Variants in VPS37A observed in about 807,000 individuals in gnomAD.
The protein encoded by VPS37A is vacuolar protein sorting-associated protein 37A.
VPS37A carries 30 observed loss-of-function variants against 49.8 expected under a neutral mutation model. The observed-to-expected ratio is 0.60, with a 90% CI of 0.45 to 0.82. VPS37A has a LOEUF of 0.82. Among genes scored for constraint, VPS37A ranks in the 40% least tolerant of loss-of-function variants. VPS37A has a pLI of 0.00. For synonymous variants in VPS37A, 195 were observed against 160.6 expected, an observed-to-expected ratio of 1.21 and a Z score of -1.62; for missense variants, 593 against 464.4, an observed-to-expected ratio of 1.28 and a Z score of -2.55.
the VPS37A span, among the ~76,000 whole-genome samples, chr8:17,308,960 C>T: frequency 2.0e-5 from 3 of 152,172 alleles, no homozygotes; most frequent in Admixed American, 2.0e-4. Context: ...CTCTGGACTT[C>T]TAAAATGGAA....
the VPS37A span, among the ~76,000 whole-genome samples, chr8:17,317,240 C>A: frequency 1.3e-5 from 2 of 152,202 alleles, no homozygotes; most frequent in Admixed American, 6.5e-5. Context: ...AGGATGCTGG[C>A]TGGCAGTGCC....
chr8:17,264,683 G>T (rs1046954289), intron 1 of VPS37A, among the ~76,000 whole-genome samples: 1 of 152,156 alleles, frequency 6.6e-6, no homozygotes, highest in Non-Finnish European at 1.5e-5. Flanking sequence ...GTTAGAAGAA[G>T]CATCCAAAAG....
At chr8:17,301,907 C>T (rs974757151), downstream of VPS37A, 8 of 439,322 alleles carry the variant, frequency 1.8e-5, no homozygotes, top group Admixed American at 2.1e-4. Flanking sequence ...AACAAGTTGA[C>T]CTAAAATAAG....
In VPS37A at chr8:17,247,001, G is replaced by A; in HGVS notation, c.-244G>A. 1 of 543,324 alleles carries A rather than the reference G, an allele frequency of 1.8e-6. No individual in the cohort carries two copies. The highest frequency in any genetic ancestry group is 3.3e-6 in the Non-Finnish European group (1 of 306,614). 33.7% of individuals were successfully genotyped at this position (543,324 alleles called of 1,614,324 possible). On this transcript the variant is annotated 5_prime_UTR_variant, in exon 1 of 12. Coordinates refer to ENST00000324849, the MANE Select transcript of VPS37A (RefSeq NM_152415.3). ...CTGGCTGGCCGGTTTGGGCGTCTGG[G>A]CCGTGAAGGTGGGACCTCCTGTTCC...
At chr8:17,302,415 C>G, downstream of VPS37A, 1 of 914,694 alleles carries the variant, frequency 1.1e-6, no homozygotes, top group Non-Finnish European at 1.6e-6. Context: ...AAAAAAGCCA[C>G]TACTTAAGGT....
At chr8:17,271,318 A>T (rs1299943509) in intron 4 of VPS37A, among the ~76,000 whole-genome samples, 1 of 152,114 alleles carries the variant, frequency 6.6e-6, no homozygotes, top group Non-Finnish European at 1.5e-5. Context: ...TAACATGCTT[A>T]TGATTGGCTG....
chr8:17,273,116 A>G (rs1814167019), intron 4 of VPS37A, among the ~76,000 whole-genome samples: 1 of 134,266 alleles, frequency 7.4e-6, no homozygotes, highest in African/African-American at 2.9e-5. Context: ...GCACTTCCTC[A>G]TTATTCCTTA....
In VPS37A at chr8:17,247,905, T is replaced by C. The variant is rs1342893241; in HGVS notation, c.125+536T>C. The C allele has an allele frequency of 6.3e-6, 4 of 633,012 alleles. No individual in the cohort carries two copies. The African/African-American group carries it at 7.3e-5, about 11-fold the overall frequency. The allele number at this position is 633,012 out of a possible 1,614,324, so 39.2% of individuals were successfully genotyped here. On this transcript the variant is annotated intron_variant, in intron 1 of 11. Transcript: ENST00000324849. ...CTTGAGTCTCTAAGATTTACCCTGT[T>C]GGAGCAGTCTCTCCCCATCTCACAG... is the stretch of plus-strand genomic sequence containing the variant.
At chr8:17,268,597 A>T (rs1813689160) in intron 3 of VPS37A, among the ~76,000 whole-genome samples, 1 of 152,178 alleles carries the variant, frequency 6.6e-6, no homozygotes, top group Non-Finnish European at 1.5e-5. Context: ...TGAACCCTCA[A>T]ATTATTGTAA....
At chr8:17,318,823 C>T in the VPS37A span, among the ~76,000 whole-genome samples, 6 of 152,222 alleles carry the variant, frequency 3.9e-5, no homozygotes, top group Admixed American at 2.0e-4. Flanking sequence ...GAGAAGCAGC[C>T]TCCACAGGCA....
At chr8:17,277,745 TG>T (rs1194140669) in intron 6 of VPS37A, among the ~76,000 whole-genome samples, 1 of 152,058 alleles carries the variant, frequency 6.6e-6, no homozygotes. Context: ...TTAATATTTT[TG>T]TGGGCAGTTT....
At chr8:17,272,178 C>T (rs1814059244) in intron 4 of VPS37A, 2 of 431,906 alleles carry the variant, frequency 4.6e-6, no homozygotes, top group Non-Finnish European at 9.3e-6. Context: ...CTCCTCCTAA[C>T]AGCCTCTTTG....
downstream of VPS37A, among the ~76,000 whole-genome samples, chr8:17,302,966 C>T (rs1364637518): frequency 6.6e-6 from 1 of 152,064 alleles, no homozygotes; most frequent in Non-Finnish European, 1.5e-5. Flanking sequence ...CCACCTCAGC[C>T]TCCCAAAGTG....
At chr8:17,273,286 T>G (rs575776206) in intron 4 of VPS37A, among the ~76,000 whole-genome samples, 7 of 152,264 alleles carry the variant, frequency 4.6e-5, no homozygotes, top group African/African-American at 1.7e-4. Flanking sequence ...TACCCAAATG[T>G]GAGCTTATTT....
rs1002502755 is a variant in VPS37A, at chr8:17,297,198, A to G, written c.*2212A>G. On this transcript the variant is annotated 3_prime_UTR_variant, in exon 12 of 12. Coordinates refer to ENST00000324849, the MANE Select transcript of VPS37A (RefSeq NM_152415.3). Reference sequence around the variant, plus strand: ...TAAAGAGGAATACTTAGGAGTTACTAGGCTAATCAGTGTACGAATTTGTCA... The same window carrying G: ...TAAAGAGGAATACTTAGGAGTTACTGGGCTAATCAGTGTACGAATTTGTCA... 1 of 152,202 alleles carries G rather than the reference A, an allele frequency of 6.6e-6. No homozygotes were observed. The highest frequency in any genetic ancestry group is 2.4e-5 in the African/African-American group (1 of 41,466). The allele number at this position is 152,202 out of a possible 1,614,324, so 9.4% of individuals were successfully genotyped here.
At chr8:17,276,598 A>C (rs1184121694) in intron 6 of VPS37A, 131 bp downstream of exon 6, 4 of 880,812 alleles carry the variant, frequency 4.5e-6, no homozygotes, top group Non-Finnish European at 6.7e-6. Context: ...TTGTTGCCTT[A>C]GTGGGATTTA....
chr8:17,333,123 G>C, the VPS37A span, among the ~76,000 whole-genome samples: 3 of 152,144 alleles, frequency 2.0e-5, no homozygotes, highest in African/African-American at 7.2e-5. Context: ...TCCATGACGT[G>C]GCTTATGTGA....
chr8:17,267,692 A>G (rs1755201473), intron 2 of VPS37A, among the ~76,000 whole-genome samples: 1 of 152,148 alleles, frequency 6.6e-6, no homozygotes, highest in African/African-American at 2.4e-5. Context: ...ATTTATTTTT[A>G]TCTTACTTTA....
In VPS37A at chr8:17,295,246, C is replaced by T. The variant is rs1816535882; in HGVS notation, c.*260C>T. 2 of 151,606 alleles carry T rather than the reference C, an allele frequency of 1.3e-5. No individual in the cohort carries two copies. The highest frequency in any genetic ancestry group is 2.5e-5 in the African/African-American group (1 of 40,510). The allele number at this position is 151,606 out of a possible 1,614,324, so 9.4% of individuals were successfully genotyped here. ...ATCATATTTAAGTTCCACTGCTGTT[C>T]CTCTTACCTTGATTAAATGCCTATG... On this transcript the variant is annotated 3_prime_UTR_variant, in exon 12 of 12. Transcript: ENST00000324849.
Sources: gnomAD v4.1 joint callset for allele counts (sites outside exome capture counted in the v4.1 genomes callset) on GRCh38, gnomAD v4.1.1 for gene constraint, MANE v1.5 for transcripts, NCBI Gene and HGNC (gene_info 2026-07-23, HGNC 2026-07-21) for gene names.